The following GPATCH8 variants were observed in gnomAD, a reference collection of about 807,000 sequenced individuals.
GPATCH8 encodes G-patch domain containing 8.
Under a neutral mutation model 118.3 loss-of-function variants are expected in GPATCH8, and 18 were observed. The ratio of observed to expected loss-of-function variants is 0.15; its 90% confidence interval spans 0.11 to 0.23. The LOEUF (loss-of-function observed/expected upper bound fraction) is 0.23, where lower values mean the gene tolerates loss of function less well. GPATCH8 is among the 10% of genes least tolerant of loss of function. The pLI is 1.00. For missense variants in GPATCH8, 1,631 were observed against 1,873.8 expected, an observed-to-expected ratio of 0.87 and a Z score of 2.39; for synonymous variants, 659 against 684.7, an observed-to-expected ratio of 0.96 and a Z score of 0.59.
At position 44,398,019 on chromosome 17, in the gene GPATCH8, G is replaced by A; in HGVS notation, c.4058C>T (p.Thr1353Ile). ...AATGTGGATGGGTTGCAGGGCTGGT[G>A]TGGCTGGGGCCAGGGCAGCTGAGGC... ...FPASAALAPA[T>I]PALQPIHIQQ... is the part of the protein sequence containing the mutation. Residue 1353 changes from threonine to isoleucine, a missense_variant, in exon 8 of 8, where the codon ACA (threonine) becomes ATA (isoleucine). This residue lies in a region of GPATCH8 where 111 missense variants were observed against 112.4 expected (regional missense o/e 0.99). Coordinates refer to ENST00000591680, the MANE Select transcript of GPATCH8 (RefSeq NM_001002909.4). 1.2e-6 allele frequency: 2 copies of A among 1,614,016 alleles called. No individual in the cohort carries two copies. The highest frequency in any genetic ancestry group is 2.2e-5 in the South Asian group (2 of 91,080).
At chr17:44,414,137 ATATATGTGTATATATATATG>A (rs1293327225) in intron 6 of GPATCH8, among the ~76,000 whole-genome samples, 8 of 132,640 alleles carry the variant, frequency 6.0e-5, no homozygotes, top group African/African-American at 2.5e-4. Context: ...GTGTATATAT[ATATATGTGTATATATATATG>A]TGTATATATA....
At chr17:44,501,350 G>A (rs1970051207) in intron 1 of GPATCH8, among the ~76,000 whole-genome samples, 1 of 151,790 alleles carries the variant, frequency 6.6e-6, no homozygotes, top group Admixed American at 6.6e-5. Context: ...CCGGGAGGCA[G>A]AGGTTGCAGT....
At chr17:44,432,985 C>T (rs1252032387) in intron 5 of GPATCH8, among the ~76,000 whole-genome samples, 1 of 152,070 alleles carries the variant, frequency 6.6e-6, no homozygotes, top group Non-Finnish European at 1.5e-5. Flanking sequence ...GATTTATAGG[C>T]ATGCACCACC....
At position 44,398,244 on chromosome 17, in the gene GPATCH8, T is replaced by C; in HGVS notation, c.3833A>G (p.His1278Arg). The C allele has an allele frequency of 1.2e-6, 2 of 1,612,900 alleles. No homozygotes were observed. The highest frequency in any genetic ancestry group is 1.1e-5 in the South Asian group (1 of 91,030). The change falls in exon 8 of 8, where the codon CAT becomes CGT. Residue 1278 changes from histidine to arginine, a missense_variant. By Grantham distance (29) the His-to-Arg change is conservative. Coordinates refer to ENST00000591680, the MANE Select transcript of GPATCH8 (RefSeq NM_001002909.4). ...ACTGGGAGGTGCATAACTGGGGAAA[T>C]GCTCAAGGTCTGGTGCTATAGGCAG... ...SLLPIAPDLE[H>R]FPSYAPPSGD...
At chr17:44,429,690 CAACA>C (rs71136014) in intron 5 of GPATCH8, among the ~76,000 whole-genome samples, 893 of 75,186 alleles carry the variant, frequency 0.012, 13 homozygotes, top group African/African-American at 0.031. Flanking sequence ...ACACACAAAA[CAACA>C]AACAAACAAA....
intron 5 of GPATCH8, among the ~76,000 whole-genome samples, chr17:44,432,004 G>GAAA (rs1276089221): frequency 1.3e-5 from 2 of 151,088 alleles, no homozygotes; most frequent in African/African-American, 4.9e-5. Flanking sequence ...AAAGACAAGT[G>GAAA]AAAAGAGAAG....
chr17:44,457,570 A>C (rs1028021963), intron 3 of GPATCH8, among the ~76,000 whole-genome samples: 4 of 152,252 alleles, frequency 2.6e-5, no homozygotes, highest in African/African-American at 9.6e-5. Context: ...ACTGTGTGTT[A>C]ACAATCATAT....
At chr17:44,411,829 A>T (rs2049444119) in intron 6 of GPATCH8, among the ~76,000 whole-genome samples, 1 of 152,194 alleles carries the variant, frequency 6.6e-6, no homozygotes, top group African/African-American at 2.4e-5. Context: ...GTTGTGGCTC[A>T]CACCTGTACT....
At chr17:44,444,204 C>G (rs2050793586) in intron 3 of GPATCH8, among the ~76,000 whole-genome samples, 1 of 151,234 alleles carries the variant, frequency 6.6e-6, no homozygotes, top group Admixed American at 6.6e-5. Context: ...ACATGATATC[C>G]TCAAGCCCTT....
chr17:44,478,426 C>T (rs1179528053), intron 1 of GPATCH8, among the ~76,000 whole-genome samples: 4 of 152,002 alleles, frequency 2.6e-5, no homozygotes, highest in Non-Finnish European at 4.4e-5. Context: ...GAAGTGGGAG[C>T]ACTGCTGGAG....
At chr17:44,408,409 A>G (rs1015569534) in intron 6 of GPATCH8, among the ~76,000 whole-genome samples, 1 of 152,116 alleles carries the variant, frequency 6.6e-6, no homozygotes, top group South Asian at 2.1e-4. Context: ...CTAGTCTTCA[A>G]TTCCTGACCT....
intron 1 of GPATCH8, among the ~76,000 whole-genome samples, chr17:44,497,298 T>C (rs1040426068): frequency 6.6e-6 from 1 of 152,290 alleles, no homozygotes; most frequent in Admixed American, 6.5e-5. Context: ...TTTCAGAAAA[T>C]GGCAATCTTG....
Position 44,400,692 on chromosome 17 carries a change from G to T in GPATCH8, c.1385C>A (p.Ser462Tyr). Residue 462 changes from serine (S) to tyrosine (Y), a missense_variant, in exon 8 of 8, where the codon TCT becomes TAT. Coordinates refer to ENST00000591680, the MANE Select transcript of GPATCH8 (RefSeq NM_001002909.4). ...QGAEKTVSEV[S>Y]EQPKETSMTE... ...CATGCTGGTTTCCTTCGGCTGCTCA[G>T]AGACTTCACTAACTGTCTTTTCTGC... is the stretch of plus-strand genomic sequence containing the variant. 1 of 1,611,158 alleles carries T rather than the reference G, an allele frequency of 6.2e-7. No individual in the cohort carries two copies. Among genetic ancestry groups the T allele is most frequent in the Non-Finnish European group, 8.5e-7 (1 of 1,178,210 alleles).
intron 5 of GPATCH8, among the ~76,000 whole-genome samples, chr17:44,432,361 T>C (rs1458920941): frequency 2.6e-5 from 4 of 152,020 alleles, no homozygotes; most frequent in Non-Finnish European, 2.9e-5. Flanking sequence ...ACTAAAAACA[T>C]ACGGGAAGGC....
chr17:44,503,291 G>A (rs1309032121), intron 1 of GPATCH8, 35 bp downstream of exon 1: 1 of 1,582,452 alleles, frequency 6.3e-7, no homozygotes, highest in East Asian at 2.3e-5. Flanking sequence ...CTAGACCAGC[G>A]CCTTCCCCGC....
At chr17:44,455,454 C>T (rs1432167891) in intron 3 of GPATCH8, among the ~76,000 whole-genome samples, 5 of 151,356 alleles carry the variant, frequency 3.3e-5, no homozygotes, top group African/African-American at 7.3e-5. Context: ...GAGCCGAGAT[C>T]GCGTCATTGC....
At chr17:44,429,687 A>AC (rs58829323) in intron 5 of GPATCH8, among the ~76,000 whole-genome samples, 1,593 of 73,614 alleles carry the variant, frequency 0.022, 28 homozygotes, top group African/African-American at 0.057. Flanking sequence ...CACACACACA[A>AC]AACAACAAAC....
At chr17:44,487,677 G>A (rs975196902) in intron 1 of GPATCH8, among the ~76,000 whole-genome samples, 2 of 152,116 alleles carry the variant, frequency 1.3e-5, no homozygotes, top group Non-Finnish European at 2.9e-5. Flanking sequence ...TCTTTCATGG[G>A]TGTGCCTTTG....
rs3065774 is a variant in GPATCH8 at position 44,414,058 on chromosome 17, CATATATAT to C, written c.493-8015_493-8008del. On this transcript the variant is annotated intron_variant, in intron 6 of 7. Transcript: ENST00000591680. ...AGCACCAAGTATGCCTGCTTTAAGGCATATATATATATATATATATATGTGTGTGTATA... is the reference window on the plus strand; with the variant it reads ...AGCACCAAGTATGCCTGCTTTAAGGCATATATATATATATGTGTGTGTATA... Among the ~76,000 whole-genome samples, 16 of 138,440 alleles carry C rather than the reference CATATATAT, an allele frequency of 1.2e-4. 1 individual carries two copies. In the East Asian group the frequency reaches 1.3e-3, roughly 11 times the overall value. The allele number at this position is 138,440 out of a possible 152,430, so 90.8% of individuals were successfully genotyped here.
Sources: allele counts gnomAD v4.1 joint callset (sites outside exome capture counted in the v4.1 genomes callset), GRCh38; gene constraint gnomAD v4.1.1; regional missense constraint gnomAD v4.1.1; transcripts MANE v1.5; gene names NCBI Gene and HGNC (gene_info 2026-07-23, HGNC 2026-07-21).